The following FAT3 variants were observed in gnomAD, a reference collection of about 807,000 sequenced individuals.
FAT3 encodes the protein protocadherin Fat 3.
In FAT3, 95 loss-of-function variants were observed where a neutral mutation model predicts 310.2. The ratio of observed to expected loss-of-function variants is 0.31; its 90% CI spans 0.26 to 0.36. FAT3 has a LOEUF of 0.36. Among genes scored for constraint, FAT3 ranks in the 10% least tolerant of loss-of-function variants. FAT3 has a pLI of 1.00. For missense variants in FAT3, 5,408 were observed against 5,715.6 expected (o/e 0.95, Z 1.74); for synonymous variants, 2,314 against 2,192.9 (o/e 1.06, Z -1.54).
At chr11:92,626,214 T>TATA (rs1941328302) in intron 3 of FAT3, among the ~76,000 whole-genome samples, 1 of 152,224 alleles carries the variant, frequency 6.6e-6, no homozygotes, top group Non-Finnish European at 1.5e-5. Flanking sequence ...GCACTGGAAT[T>TATA]ATATTTGTCT....
intron 4 of FAT3, among the ~76,000 whole-genome samples, chr11:92,709,156 C>A (rs181088079): frequency 2.9e-4 from 44 of 152,336 alleles, no homozygotes; most frequent in Non-Finnish European, 5.4e-4. Context: ...TTATCACTAA[C>A]CCCTAAGCTT....
At chr11:92,382,424 A>G (rs924254691) in intron 2 of FAT3, among the ~76,000 whole-genome samples, 4 of 152,180 alleles carry the variant, frequency 2.6e-5, no homozygotes, top group Non-Finnish European at 5.9e-5. Context: ...GACAAAGCTA[A>G]TGGAATCACC....
chr11:92,485,112 A>G (rs1952338676), intron 2 of FAT3, among the ~76,000 whole-genome samples: 1 of 152,254 alleles, frequency 6.6e-6, no homozygotes, highest in Non-Finnish European at 1.5e-5. Context: ...TTGACTTCAA[A>G]TCAAACAGTT....
chr11:92,325,994 A>G (rs1049392805), intron 1 of FAT3, among the ~76,000 whole-genome samples: 1 of 152,206 alleles, frequency 6.6e-6, no homozygotes, highest in African/African-American at 2.4e-5. Context: ...CTTTCAGCTT[A>G]TGGTCTAGCT....
intron 1 of FAT3, among the ~76,000 whole-genome samples, chr11:92,335,712 T>C (rs537259960): frequency 5.8e-4 from 89 of 152,280 alleles, no homozygotes; most frequent in African/African-American, 2.0e-3. Flanking sequence ...TGTAGGTTAG[T>C]GGTTTTGAGG....
chr11:92,620,322 T>A (rs956281691), intron 3 of FAT3, among the ~76,000 whole-genome samples: 5 of 152,314 alleles, frequency 3.3e-5, no homozygotes, highest in African/African-American at 1.2e-4. Flanking sequence ...AAATACGTGC[T>A]CTGTTGCCAC....
chr11:92,772,716 G>T (rs1946490262), intron 6 of FAT3, among the ~76,000 whole-genome samples: 1 of 151,918 alleles, frequency 6.6e-6, no homozygotes, highest in Admixed American at 6.6e-5. Flanking sequence ...ATTCTCTCTT[G>T]CAATTAAATA....
At chr11:92,782,456 T>A (rs1015065378) in intron 7 of FAT3, among the ~76,000 whole-genome samples, 1 of 152,124 alleles carries the variant, frequency 6.6e-6, no homozygotes, top group African/African-American at 2.4e-5. Flanking sequence ...CACACACCTA[T>A]AGTCCCAGCT....
chr11:92,499,773 G>A (rs1326113858), intron 2 of FAT3, among the ~76,000 whole-genome samples: 1 of 147,962 alleles, frequency 6.8e-6, no homozygotes, highest in Non-Finnish European at 1.5e-5. Context: ...ACCATGATTA[G>A]AAAGAATAAA....
chr11:92,327,300 A>C (rs1389594090), intron 1 of FAT3, among the ~76,000 whole-genome samples: 1 of 151,912 alleles, frequency 6.6e-6, no homozygotes, highest in Non-Finnish European at 1.5e-5. Context: ...AGTTCTTTAT[A>C]GTTCAAGCAG....
Position 92,774,232 on chromosome 11 carries a change from C to A in FAT3, c.4335+52C>A. 3.3e-6 allele frequency: 5 copies of A among 1,522,242 alleles called. No homozygotes were observed. In the South Asian group the frequency reaches 3.9e-5, roughly 12 times the overall value. 94.3% of individuals were successfully genotyped at this position (1,522,242 alleles called of 1,614,324 possible). ...GGAATGCTGAAAGAGCTGCCAAAGT[C>A]AGGGGTGCAAGCAATGAAAAAAAAA... is the stretch of plus-strand genomic sequence containing the variant. On this transcript the variant is annotated intron_variant, in intron 7 of 27. Coordinates refer to ENST00000525166, the MANE Select transcript of FAT3 (RefSeq NM_001367949.2).
intron 2 of FAT3, among the ~76,000 whole-genome samples, chr11:92,476,082 C>CGT (rs369178854): frequency 1.3e-5 from 2 of 150,384 alleles, no homozygotes. Context: ...TGTGTGTGTG[C>CGT]GTGTGTGTGT....
intron 1 of FAT3, among the ~76,000 whole-genome samples, chr11:92,246,944 AG>A (rs1440938991): frequency 6.6e-6 from 1 of 152,126 alleles, no homozygotes; most frequent in Non-Finnish European, 1.5e-5. Flanking sequence ...AACTAGGTGG[AG>A]AAAGAAATGA....
chr11:92,872,412 T>TCGAGAAGGGAGATGTCAAACTCCCAGTAA, intron 22 of FAT3, among the ~76,000 whole-genome samples: 1 of 152,216 alleles, frequency 6.6e-6, no homozygotes, highest in East Asian at 1.9e-4. Context: ...TTACTGAGCT[T>TCGAGAAGGGAGATGTCAAACTCCCAGTAA]CGAGAAGGGA....
At chr11:92,797,490 G>C (rs747737422) in intron 9 of FAT3, among the ~76,000 whole-genome samples, 1 of 152,160 alleles carries the variant, frequency 6.6e-6, no homozygotes, top group African/African-American at 2.4e-5. Context: ...TCACAAGGCT[G>C]GAAATAAGGA....
intron 6 of FAT3, among the ~76,000 whole-genome samples, chr11:92,766,040 A>G (rs981685443): frequency 1.3e-5 from 2 of 152,106 alleles, no homozygotes; most frequent in Non-Finnish European, 2.9e-5. Context: ...ATATATAGCC[A>G]GTCAGCCTCC....
At position 92,353,802 on chromosome 11, in the gene FAT3, G is replaced by A. The variant is rs748030116; in HGVS notation, c.1690G>A (p.Val564Met). 3 of 1,613,558 alleles carry A rather than the reference G, an allele frequency of 1.9e-6. No homozygotes were observed. The Admixed American group carries it at 5.0e-5, about 27-fold the overall frequency. Residue 564 changes from valine (V) to methionine (M), a missense_variant, in exon 2 of 28, where the codon GTG becomes ATG. By Grantham distance (21) the Val-to-Met change is conservative. Around this residue, in one of 5 missense-constraint regions of FAT3, gnomAD observed 4,588 missense variants for 4,809.8 expected, o/e 0.95. Coordinates refer to ENST00000525166, the MANE Select transcript of FAT3 (RefSeq NM_001367949.2). ...SPYRHESEVNVTIRIGNVNDN... is the reference protein window; with the variant it reads ...SPYRHESEVNMTIRIGNVNDN... ...ATACCGCCATGAAAGTGAGGTCAATGTGACTATTCGAATAGGAAATGTCAA... is the reference window on the plus strand; with the variant it reads ...ATACCGCCATGAAAGTGAGGTCAATATGACTATTCGAATAGGAAATGTCAA...
intron 13 of FAT3, among the ~76,000 whole-genome samples, chr11:92,811,042 C>T (rs1947657786): frequency 6.6e-6 from 1 of 151,924 alleles, no homozygotes; most frequent in Non-Finnish European, 1.5e-5. Flanking sequence ...GCATATTTTC[C>T]CTTAGAGAAA....
Position 92,380,481 on chromosome 11 carries a change from T to G in FAT3, c.3292+25077T>G, listed in dbSNP as rs550752783. Among the ~76,000 whole-genome samples, 3 of 152,310 alleles carry G rather than the reference T, an allele frequency of 2.0e-5. No homozygotes were observed. The South Asian group carries it at 6.2e-4, about 32-fold the overall frequency. ...TTGAACGCCCTCAAAGAAACCATGTTGACTGTGCTCCATCACATGAGGCGG... is the reference window on the plus strand; with the variant it reads ...TTGAACGCCCTCAAAGAAACCATGTGGACTGTGCTCCATCACATGAGGCGG... On this transcript the variant is annotated intron_variant, in intron 2 of 27. Coordinates refer to ENST00000525166, the MANE Select transcript of FAT3 (RefSeq NM_001367949.2).
Sources: gnomAD v4.1 joint callset for allele counts (sites outside exome capture counted in the v4.1 genomes callset) on GRCh38, gnomAD v4.1.1 for gene constraint, gnomAD v4.1.1 regional missense constraint, MANE v1.5 for transcripts, NCBI Gene and HGNC (gene_info 2026-07-23, HGNC 2026-07-21) for gene names.